Variants in MAML3 observed in about 807,000 individuals in gnomAD.
The protein encoded by MAML3 is mastermind like transcriptional coactivator 3, also known as mastermind-like protein 3.
A neutral mutation model predicts 101.9 loss-of-function variants in MAML3; 27 were observed. The ratio of observed to expected loss-of-function variants is 0.27; its 90% CI spans 0.20 to 0.37. The LOEUF (loss-of-function observed/expected upper bound fraction) is 0.37, where lower values mean the gene tolerates loss of function less well. Among genes scored for constraint, MAML3 ranks in the 10% least tolerant of loss-of-function variants. MAML3 has a pLI of 1.00. For missense variants in MAML3, 1,316 were observed against 1,444.9 expected, an observed-to-expected ratio of 0.91 and a Z score of 1.45; for synonymous variants, 501 against 555.9, an observed-to-expected ratio of 0.90 and a Z score of 1.39.
intron 1 of MAML3, among the ~76,000 whole-genome samples, chr4:139,948,781 C>T (rs1733780942): frequency 1.3e-5 from 2 of 152,132 alleles, no homozygotes; most frequent in South Asian, 2.1e-4. Flanking sequence ...TGTATGGACA[C>T]GTATATTAAT....
intron 1 of MAML3, among the ~76,000 whole-genome samples, chr4:139,932,691 T>C (rs1225556983): frequency 6.6e-6 from 1 of 152,232 alleles, no homozygotes. Flanking sequence ...AATTAATTAA[T>C]GATCTTTATT....
rs1330112500 is a variant in MAML3 at position 139,717,545 on chromosome 4, C to T, written c.*1778G>A. ...CCTCTGGCCTTACATCCTGCCCCTT[C>T]CTGAGCAGCTCTACAACCCCGGGTA... On this transcript the variant is annotated 3_prime_UTR_variant, in exon 5 of 5. Transcript: ENST00000509479. The T allele has an allele frequency of 6.6e-6, 1 of 152,274 alleles. No individual in the cohort carries two copies. Among genetic ancestry groups the T allele is most frequent in the Non-Finnish European group, 1.5e-5 (1 of 68,114 alleles). 9.4% of individuals were successfully genotyped at this position (152,274 alleles called of 1,614,324 possible). A position where few individuals can be genotyped will look rare whatever the true frequency, so the allele number is the denominator to read the frequency against.
intron 1 of MAML3, among the ~76,000 whole-genome samples, chr4:140,024,527 G>A (rs1469769827): frequency 6.6e-6 from 1 of 152,090 alleles, no homozygotes; most frequent in East Asian, 1.9e-4. Flanking sequence ...GATTACAGGC[G>A]TGTGCTGGGA....
At position 140,033,364 on chromosome 4, in the gene MAML3, G is replaced by A. The variant is rs190346086; in HGVS notation, c.468+119496C>T. Among the ~76,000 whole-genome samples the A allele has an allele frequency of 5.5e-4, 84 of 152,248 alleles. No individual in the cohort carries two copies. In the South Asian group the frequency reaches 8.3e-3, roughly 15 times the overall value. ...GAAGCTCACGCAAAACCTGAGTGGC[G>A]AGGAAAGGCTTTGCAGAGAAGGGCT... On this transcript the variant is annotated intron_variant, in intron 1 of 4. Coordinates refer to ENST00000509479, the MANE Select transcript of MAML3 (RefSeq NM_018717.5).
At chr4:139,736,040 A>G (rs1728930211) in intron 2 of MAML3, among the ~76,000 whole-genome samples, 2 of 152,196 alleles carry the variant, frequency 1.3e-5, no homozygotes, top group African/African-American at 4.8e-5. Context: ...CGTGGCAGGA[A>G]AGAGTAAAAA....
intron 1 of MAML3, among the ~76,000 whole-genome samples, chr4:140,073,899 C>T (rs1408062168): frequency 4.6e-5 from 7 of 151,642 alleles, no homozygotes; most frequent in African/African-American, 1.5e-4. Context: ...TTTGGGAGGC[C>T]GAGGCGGGCA....
At chr4:140,018,313 A>G (rs1726679276) in intron 1 of MAML3, among the ~76,000 whole-genome samples, 1 of 152,230 alleles carries the variant, frequency 6.6e-6, no homozygotes, top group Admixed American at 6.5e-5. Context: ...TGAATGTGCA[A>G]ATATTAGAAA....
chr4:139,767,713 T>C (rs1191811350), intron 2 of MAML3, among the ~76,000 whole-genome samples: 2 of 152,216 alleles, frequency 1.3e-5, no homozygotes, highest in Non-Finnish European at 2.9e-5. Flanking sequence ...GTTATTAACT[T>C]TGGTCTGAGG....
intron 1 of MAML3, among the ~76,000 whole-genome samples, chr4:139,942,171 A>AAGGC (rs561148147): frequency 0.07 from 5,409 of 76,834 alleles, 255 homozygotes; most frequent in African/African-American, 0.17. Context: ...GGAGGGAGGG[A>AAGGC]AGGCAGGCAG....
rs560321240 is a variant in MAML3 at position 140,150,188 on chromosome 4, A to G, written c.468+2672T>C. 1.4e-4 allele frequency among the ~76,000 whole-genome samples: 17 copies of G among 118,352 alleles called. No homozygotes were observed. The South Asian group carries it at 2.7e-3, about 19-fold the overall frequency. The allele number at this position is 118,352 out of a possible 152,430, so 77.6% of individuals were successfully genotyped here. A position where few individuals can be genotyped will look rare whatever the true frequency, so the allele number is the denominator to read the frequency against. On this transcript the variant is annotated intron_variant, in intron 1 of 4. Transcript: ENST00000509479. ...TTTCACGCAGTCATCTTTCAAGTCT[A>G]TTTGTTGCTAATTTGCTAAACTGGG...
At chr4:139,893,215 G>C (rs904921649) in intron 1 of MAML3, among the ~76,000 whole-genome samples, 1 of 152,126 alleles carries the variant, frequency 6.6e-6, no homozygotes, top group African/African-American at 2.4e-5. Flanking sequence ...ACGTCCTCCT[G>C]CTCCCTCTCC....
At chr4:140,091,537 C>CAAAAAAAAAAGAAAAAAAAAAAAAAA (rs570700966) in intron 1 of MAML3, among the ~76,000 whole-genome samples, 1 of 71,600 alleles carries the variant, frequency 1.4e-5, no homozygotes, top group Non-Finnish European at 2.7e-5. Flanking sequence ...AACAACAAAA[C>CAAAAAAAAAAGAAAAAAAAAAAAAAA]AAAAACAAAA....
intron 1 of MAML3, among the ~76,000 whole-genome samples, chr4:139,993,133 C>T (rs1229847219): frequency 6.6e-6 from 1 of 152,054 alleles, no homozygotes; most frequent in Non-Finnish European, 1.5e-5. Flanking sequence ...GGGCAGATCT[C>T]TTGAAGTCAG....
chr4:140,074,187 G>GAGAGAGACAGAA (rs1727717945), intron 1 of MAML3, among the ~76,000 whole-genome samples: 1 of 124,752 alleles, frequency 8.0e-6, no homozygotes. Context: ...AAGAGAGAGA[G>GAGAGAGACAGAA]AGAGAAAGAA....
intron 1 of MAML3, among the ~76,000 whole-genome samples, chr4:140,020,557 G>A (rs1413574647): frequency 6.6e-6 from 1 of 152,140 alleles, no homozygotes; most frequent in Admixed American, 6.5e-5. Flanking sequence ...ACAGAATAAA[G>A]AGAAAAAGTA....
intron 1 of MAML3, among the ~76,000 whole-genome samples, chr4:140,016,908 AT>A (rs2092137325): frequency 6.6e-6 from 1 of 152,246 alleles, no homozygotes. Flanking sequence ...CTAGGAAAGA[AT>A]TCTTAAAGTC....
intron 2 of MAML3, among the ~76,000 whole-genome samples, chr4:139,850,470 T>G (rs182965567): frequency 2.0e-5 from 3 of 152,216 alleles, no homozygotes; most frequent in African/African-American, 4.8e-5. Context: ...CCAAGGCTAT[T>G]AGCCCATGAG....
chr4:140,124,265 C>G (rs1290236711), intron 1 of MAML3, among the ~76,000 whole-genome samples: 1 of 152,200 alleles, frequency 6.6e-6, no homozygotes, highest in Non-Finnish European at 1.5e-5. Context: ...ACCTTGAAAT[C>G]TGTGCATAGA....
intron 1 of MAML3, 148 bp from the exon 2 acceptor site, chr4:139,891,115 A>T: frequency 1.1e-6 from 1 of 949,914 alleles, no homozygotes; most frequent in African/African-American, 1.7e-5. Context: ...AAATCAGGCA[A>T]CGCTGCAATT....
Sources: gnomAD v4.1 joint callset for allele counts (sites outside exome capture counted in the v4.1 genomes callset) on GRCh38, gnomAD v4.1.1 for gene constraint, MANE v1.5 for transcripts, NCBI Gene and HGNC (gene_info 2026-07-23, HGNC 2026-07-21) for gene names.